Variants in SFXN5 observed in about 807,000 individuals in gnomAD.
The protein encoded by SFXN5 is sideroflexin 5.
Under a neutral mutation model 50.2 loss-of-function variants are expected in SFXN5, and 43 were observed. That is an observed-to-expected ratio of 0.86 (90% confidence interval 0.67 to 1.11). The LOEUF is 1.11. Ranked by LOEUF, SFXN5 falls within the 50% of genes least tolerant of loss-of-function variation. SFXN5 has a pLI of 0.00. For missense variants in SFXN5, 463 were observed against 454.1 expected, an observed-to-expected ratio of 1.02 and a Z score of -0.18; for synonymous variants, 203 against 185.8, an observed-to-expected ratio of 1.09 and a Z score of -0.75.
intron 10 of SFXN5, among the ~76,000 whole-genome samples, chr2:72,986,137 G>C (rs1671894268): frequency 6.6e-6 from 1 of 152,242 alleles, no homozygotes; most frequent in Non-Finnish European, 1.5e-5. Context: ...AGATCTAAAG[G>C]GTTATTCCAT....
chr2:72,956,964 T>C, intron 13 of SFXN5: 1 of 454,608 alleles, frequency 2.2e-6, no homozygotes, highest in South Asian at 1.6e-5. Flanking sequence ...CCACTCCTAG[T>C]CCCCTCTGCA....
At position 72,989,344 on chromosome 2, in the gene SFXN5, C is replaced by A. The variant is rs545259376; in HGVS notation, c.535-996G>T. Among the ~76,000 whole-genome samples the A allele has an allele frequency of 1.1e-4, 16 of 152,276 alleles. 1 individual carries two copies. The highest frequency in any genetic ancestry group is 3.8e-4 in the African/African-American group (16 of 41,566). ...CACTTACTAGCAGTGGGACCTGAGG[C>A]AGGTAAGTCATTTCATCTTTCTCTG... is the stretch of plus-strand genomic sequence containing the variant. On this transcript the variant is annotated intron_variant, in intron 9 of 13. Transcript: ENST00000272433.
rs139200580 is a variant in SFXN5, at chr2:72,971,655, A to G, written c.656T>C (p.Met219Thr). The G allele has an allele frequency of 6.2e-7, 1 of 1,613,892 alleles. No individual in the cohort carries two copies. Among genetic ancestry groups the G allele is most frequent in the African/African-American group, 1.3e-5 (1 of 74,934 alleles). The change falls in exon 11 of 14, where the codon ATG (methionine) becomes ACG (threonine). Residue 219 changes from methionine to threonine, a missense_variant. Physicochemically the swap from Met to Thr is moderately conservative, Grantham distance 81. Transcript: ENST00000272433. ...ASANICNVVL[M>T]RYGELEEGID... The stretch of plus-strand genomic sequence containing the variant: ...CCCTTCCTCCAGCTCCCCGTACCGC[A>G]TCAGGACCACATTGCAGATATTGGC...
chr2:73,025,124 C>T (rs1319498221), intron 3 of SFXN5, among the ~76,000 whole-genome samples: 1 of 151,870 alleles, frequency 6.6e-6, no homozygotes, highest in East Asian at 1.9e-4. Context: ...GAGGGCCTAA[C>T]AGCAAAGAGG....
intron 2 of SFXN5, among the ~76,000 whole-genome samples, chr2:73,047,752 T>C (rs1450074853): frequency 6.6e-6 from 1 of 152,138 alleles, no homozygotes; most frequent in Non-Finnish European, 1.5e-5. Context: ...TCCTTTATAA[T>C]TACCCAGTCT....
intron 9 of SFXN5, among the ~76,000 whole-genome samples, chr2:72,995,450 A>G (rs1673108632): frequency 6.6e-6 from 1 of 152,174 alleles, no homozygotes; most frequent in Admixed American, 6.5e-5. Flanking sequence ...GGGGGCATGC[A>G]AACTGGGGAT....
intron 6 of SFXN5, 23 bp downstream of exon 6, chr2:73,020,216 A>G (rs769045901): frequency 1.9e-6 from 3 of 1,609,858 alleles, no homozygotes; most frequent in South Asian, 1.1e-5. Context: ...TAGAAAAGGA[A>G]ATCCTTTGAA....
At chr2:72,980,693 A>G (rs1251268320) in intron 10 of SFXN5, among the ~76,000 whole-genome samples, 1 of 152,168 alleles carries the variant, frequency 6.6e-6, no homozygotes, top group Admixed American at 6.5e-5. Flanking sequence ...ATCTTTTTAA[A>G]AAGCCCCTTT....
intron 3 of SFXN5, among the ~76,000 whole-genome samples, chr2:73,027,246 G>T (rs1316900736): frequency 3.3e-5 from 5 of 152,142 alleles, no homozygotes; most frequent in African/African-American, 1.2e-4. Flanking sequence ...TGTAGGCCTA[G>T]AATGATATGG....
chr2:73,026,218 C>T (rs563874260), intron 3 of SFXN5, among the ~76,000 whole-genome samples: 3 of 150,148 alleles, frequency 2.0e-5, no homozygotes, highest in Admixed American at 2.0e-4. Context: ...AACTCCACCT[C>T]CCAGGTTCAA....
intron 13 of SFXN5, among the ~76,000 whole-genome samples, chr2:72,948,995 G>A (rs1672243523): frequency 6.6e-6 from 1 of 152,156 alleles, no homozygotes; most frequent in Non-Finnish European, 1.5e-5. Context: ...GAGTGCCATG[G>A]CAACTGGGGA....
At chr2:72,994,179 T>G (rs1672940188) in intron 9 of SFXN5, among the ~76,000 whole-genome samples, 1 of 152,122 alleles carries the variant, frequency 6.6e-6, no homozygotes, top group Non-Finnish European at 1.5e-5. Flanking sequence ...TTACTTCACC[T>G]CCATGCCTCA....
intron 1 of SFXN5, among the ~76,000 whole-genome samples, chr2:73,070,102 T>C (rs1683465073): frequency 6.6e-6 from 1 of 152,150 alleles, no homozygotes; most frequent in African/African-American, 2.4e-5. Flanking sequence ...GGAGCAAGTG[T>C]TTGCCAGAGA....
intron 6 of SFXN5, among the ~76,000 whole-genome samples, chr2:73,008,556 G>T (rs959787371): frequency 5.3e-5 from 8 of 152,244 alleles, no homozygotes; most frequent in African/African-American, 1.4e-4. Context: ...CGGACCACCA[G>T]GGCCAAGCCG....
At chr2:72,989,572 A>G (rs187655297) in intron 9 of SFXN5, among the ~76,000 whole-genome samples, 1 of 152,124 alleles carries the variant, frequency 6.6e-6, no homozygotes, top group African/African-American at 2.4e-5. Flanking sequence ...GGCTACACTC[A>G]CTGGCACATA....
intron 13 of SFXN5, among the ~76,000 whole-genome samples, chr2:72,946,302 T>C (rs1475518752): frequency 6.6e-6 from 1 of 152,168 alleles, no homozygotes; most frequent in African/African-American, 2.4e-5. Flanking sequence ...AAAAACTTGG[T>C]CTACACTGGC....
At chr2:72,963,673 C>T (rs775035766) in intron 12 of SFXN5, among the ~76,000 whole-genome samples, 13 of 152,100 alleles carry the variant, frequency 8.5e-5, no homozygotes, top group Non-Finnish European at 1.9e-4. Context: ...GCTGGGGGAG[C>T]GGACTCAGGG....
chr2:72,968,620 C>T, intron 11 of SFXN5, 87 bp from the exon 12 acceptor site: 1 of 1,252,184 alleles, frequency 8.0e-7, no homozygotes, highest in Non-Finnish European at 1.1e-6. Flanking sequence ...TGTGTGCCAC[C>T]ACAACGCATG....
intron 2 of SFXN5, among the ~76,000 whole-genome samples, chr2:73,047,297 T>TATATATACACACATATATATATATAA (rs1160748572): frequency 1.5e-5 from 1 of 64,694 alleles, no homozygotes; most frequent in Admixed American, 1.7e-4. Context: ...TATATATATA[T>TATATATACACACATATATATATATAA]AAAATATATA....
Sources: allele counts gnomAD v4.1 joint callset (sites outside exome capture counted in the v4.1 genomes callset), GRCh38; gene constraint gnomAD v4.1.1; transcripts MANE v1.5; gene names NCBI Gene and HGNC (gene_info 2026-07-23, HGNC 2026-07-21).